Variants in ANK1 observed in about 807,000 individuals in gnomAD.
ANK1 encodes ankyrin 1.
ANK1 carries 51 observed loss-of-function variants against 210.4 expected under a neutral mutation model. That is an observed-to-expected ratio of 0.24 (90% confidence interval 0.19 to 0.31). ANK1 has a LOEUF of 0.31. Ranked by LOEUF, ANK1 falls within the 10% of genes least tolerant of loss-of-function variation. The pLI is 1.00. For synonymous variants in ANK1, 967 were observed against 1,025.9 expected, an observed-to-expected ratio of 0.94 and a Z score of 1.10; for missense variants, 2,051 against 2,504.4, an observed-to-expected ratio of 0.82 and a Z score of 3.86.
At chr8:41,887,008 C>T (rs1380252195) in intron 1 of ANK1, among the ~76,000 whole-genome samples, 2 of 152,136 alleles carry the variant, frequency 1.3e-5, no homozygotes, top group Admixed American at 1.3e-4. Flanking sequence ...TTCAGCTCCA[C>T]TTTGAGCCAG....
chr8:41,840,664 C>G (rs12682396), intron 1 of ANK1, among the ~76,000 whole-genome samples: 23 of 152,280 alleles, frequency 1.5e-4, no homozygotes, highest in African/African-American at 5.3e-4. Context: ...AGTCCCATCA[C>G]GGGAGCTCTA....
intron 1 of ANK1, among the ~76,000 whole-genome samples, chr8:41,788,260 G>A (rs1469601378): frequency 6.6e-6 from 1 of 152,074 alleles, no homozygotes; most frequent in Non-Finnish European, 1.5e-5. Context: ...TTGCCTTTTA[G>A]GTTTTCTTAT....
rs1323733894 is a variant in ANK1, at chr8:41,654,681, G to A, written c.*1109C>T. On this transcript the variant is annotated 3_prime_UTR_variant, in exon 43 of 43. Coordinates refer to ENST00000289734, the MANE Select transcript of ANK1 (RefSeq NM_000037.4). The stretch of plus-strand genomic sequence containing the variant: ...GGAGCTGCGCTGTCAGGCTCTGTAC[G>A]TACTGCTAAATGTTTCTATTGGTTT... 2.0e-5 allele frequency: 3 copies of A among 152,682 alleles called. No homozygotes were observed. The highest frequency in any genetic ancestry group is 4.4e-5 in the Non-Finnish European group (3 of 68,044). 9.5% of individuals were successfully genotyped at this position (152,682 alleles called of 1,614,324 possible). A position where few individuals can be genotyped will look rare whatever the true frequency, so the allele number is the denominator to read the frequency against.
chr8:41,659,985 C>T (rs781576487), intron 42 of ANK1, among the ~76,000 whole-genome samples: 1 of 152,108 alleles, frequency 6.6e-6, no homozygotes, highest in Non-Finnish European at 1.5e-5. Flanking sequence ...AAGCCACAGC[C>T]GCCACTGCTA....
chr8:41,709,104 G>C, intron 16 of ANK1, 129 bp from the exon 17 acceptor site: 1 of 1,008,264 alleles, frequency 9.9e-7, no homozygotes, highest in Non-Finnish European at 1.5e-6. Flanking sequence ...GCATCACCCA[G>C]GAGCAATTTA....
At chr8:41,736,834 GATA>G (rs1198510920) in intron 2 of ANK1, among the ~76,000 whole-genome samples, 2 of 152,182 alleles carry the variant, frequency 1.3e-5, no homozygotes, top group Admixed American at 1.3e-4. Context: ...ACTCGAAAGG[GATA>G]TTAGAGGTCC....
chr8:41,787,136 T>C (rs2150755105), intron 1 of ANK1, among the ~76,000 whole-genome samples: 1 of 152,266 alleles, frequency 6.6e-6, no homozygotes, highest in African/African-American at 2.4e-5. Context: ...GAAGCTGGAC[T>C]GGAGGGCAGG....
At chr8:41,808,832 T>C (rs962154429) in intron 1 of ANK1, among the ~76,000 whole-genome samples, 5 of 152,190 alleles carry the variant, frequency 3.3e-5, no homozygotes, top group African/African-American at 9.7e-5. Context: ...TTAAGATCTT[T>C]CCCAGATAAT....
intron 1 of ANK1, among the ~76,000 whole-genome samples, chr8:41,895,692 C>T (rs1052788012): frequency 6.6e-6 from 1 of 152,138 alleles, no homozygotes; most frequent in Admixed American, 6.5e-5. Context: ...ATGGATGGCT[C>T]ATCTTGAGTG....
At chr8:41,825,392 CT>C (rs1160470837) in intron 1 of ANK1, among the ~76,000 whole-genome samples, 2 of 152,222 alleles carry the variant, frequency 1.3e-5, no homozygotes, top group South Asian at 2.1e-4. Context: ...TCTGTCCCCC[CT>C]AGAACTGGCC....
chr8:41,770,595 ACT>A (rs1178796639), intron 1 of ANK1, among the ~76,000 whole-genome samples: 1 of 152,240 alleles, frequency 6.6e-6, no homozygotes, highest in African/African-American at 2.4e-5. Context: ...AACCCACAGC[ACT>A]CTGAGTGTAA....
At chr8:41,845,741 A>G (rs1809895401) in intron 1 of ANK1, among the ~76,000 whole-genome samples, 1 of 152,194 alleles carries the variant, frequency 6.6e-6, no homozygotes, top group African/African-American at 2.4e-5. Flanking sequence ...AGCATGAGTA[A>G]AAGCAAATGG....
At chr8:41,765,874 A>G (rs1026085877) in intron 1 of ANK1, among the ~76,000 whole-genome samples, 2 of 152,168 alleles carry the variant, frequency 1.3e-5, no homozygotes, top group Admixed American at 1.3e-4. Flanking sequence ...GCTGTCACCC[A>G]TGAGCAGGGG....
intron 2 of ANK1, among the ~76,000 whole-genome samples, chr8:41,745,929 C>T (rs1836001860): frequency 6.6e-6 from 1 of 152,142 alleles, no homozygotes; most frequent in African/African-American, 2.4e-5. Flanking sequence ...CACTATGTTG[C>T]TCAGGCTGGT....
In ANK1 at chr8:41,694,759, T is replaced by C. The variant is rs951937796; in HGVS notation, c.3160A>G (p.Ile1054Val). 7 of 1,614,158 alleles carry C rather than the reference T, an allele frequency of 4.3e-6. No individual in the cohort carries two copies. The highest frequency in any genetic ancestry group is 5.9e-6 in the Non-Finnish European group (7 of 1,180,016). Residue 1054 changes from isoleucine (I) to valine (V), a missense_variant, in exon 28 of 43, where the codon ATC (isoleucine) becomes GTC (valine). This residue lies in a region of ANK1 where 1,413 missense variants were observed against 1,707.4 expected (regional missense o/e 0.83). Transcript: ENST00000289734. This position sits in a 1 kb window ranked among gnomAD's most constrained non-coding sequence, Gnocchi z 5.7. ...EELEKKRVCRIITTDFPLYFV... is the reference protein window; with the variant it reads ...EELEKKRVCRVITTDFPLYFV... ...TACAGCGGGAAGTCGGTGGTGATGA[T>C]TCGGCACACCCTCTTCTTCTCTAGC...
Position 41,694,909 on chromosome 8 carries a change from TC to T in ANK1, c.3116-107del. ...TCCCCAAGACCCAGTGCACACACCC[TC>T]CCCAGGTGCCGGGCGGCATAGTGGC... On this transcript the variant is annotated intron_variant, in intron 27 of 42. Transcript: ENST00000289734. The surrounding 1 kb of genome is among the most constrained non-coding windows in gnomAD (Gnocchi z 5.7). 1 of 1,249,078 alleles carries T rather than the reference TC, an allele frequency of 8.0e-7. No homozygotes were observed. Among genetic ancestry groups the T allele is most frequent in the Non-Finnish European group, 1.1e-6 (1 of 871,278 alleles). The allele number at this position is 1,249,078 out of a possible 1,614,324, so 77.4% of individuals were successfully genotyped here.
intron 1 of ANK1, among the ~76,000 whole-genome samples, chr8:41,772,447 C>G (rs969687595): frequency 6.6e-6 from 1 of 152,160 alleles, no homozygotes; most frequent in African/African-American, 2.4e-5. Context: ...CCCTCCATTT[C>G]TTCTCGACTA....
intron 2 of ANK1, among the ~76,000 whole-genome samples, chr8:41,746,818 ATCTCCT>A (rs1404117720): frequency 6.6e-6 from 1 of 151,368 alleles, no homozygotes; most frequent in African/African-American, 2.4e-5. Flanking sequence ...ATCTAAGAAT[ATCTCCT>A]ATGGACTAGA....
intron 1 of ANK1, chr8:41,829,969 C>A (rs1468775010): frequency 6.9e-6 from 1 of 145,892 alleles, no homozygotes; most frequent in East Asian, 2.0e-4. Context: ...TCTGACGTGA[C>A]AAGGCCTTTA....
Sources: allele counts gnomAD v4.1 joint callset (sites outside exome capture counted in the v4.1 genomes callset), GRCh38; gene constraint gnomAD v4.1.1; regional missense constraint gnomAD v4.1.1; non-coding constraint Gnocchi (gnomAD v3.1); transcripts MANE v1.5; gene names NCBI Gene and HGNC (gene_info 2026-07-23, HGNC 2026-07-21).